LRRC37A2: variants seen among roughly 807,000 people sequenced by gnomAD.
LRRC37A2 encodes the protein leucine-rich repeat-containing protein 37A2.
In LRRC37A2, 9 loss-of-function variants were observed where a neutral mutation model predicts 68.8. The observed-to-expected ratio is 0.13, with a 90% CI of 0.08 to 0.23. The LOEUF is 0.23. Among genes scored for constraint, LRRC37A2 ranks in the 10% least tolerant of loss-of-function variants. LRRC37A2 has a pLI of 1.00. For synonymous variants in LRRC37A2, 63 were observed against 367.6 expected, an observed-to-expected ratio of 0.17 and a Z score of 9.48; for missense variants, 168 against 950.4, an observed-to-expected ratio of 0.18 and a Z score of 10.82.
chr17:46,776,898 C>T, the LRRC37A2 span, among the ~76,000 whole-genome samples: 2 of 152,164 alleles, frequency 1.3e-5, 1 homozygote, highest in South Asian at 4.1e-4. Flanking sequence ...CCGTTGCCTT[C>T]CTGCCTCCTC....
At chr17:46,542,547 C>T (rs2055560408) in intron 8 of LRRC37A2, among the ~76,000 whole-genome samples, 1 of 147,846 alleles carries the variant, frequency 6.8e-6, no homozygotes, top group Non-Finnish European at 1.5e-5. Flanking sequence ...ATATATAAAT[C>T]AGCCAGGTGT....
the LRRC37A2 span, among the ~76,000 whole-genome samples, chr17:46,773,291 A>G: frequency 3.3e-5 from 5 of 152,124 alleles, no homozygotes; most frequent in African/African-American, 1.2e-4. Flanking sequence ...AGGACTTTCT[A>G]GATGGGAGGG....
the LRRC37A2 span, among the ~76,000 whole-genome samples, chr17:46,909,174 T>A: frequency 5.9e-5 from 9 of 152,284 alleles, no homozygotes; most frequent in Admixed American, 5.2e-4. Flanking sequence ...ACCACAGGTA[T>A]GCACCACCAC....
At chr17:46,957,283 C>T in the LRRC37A2 span, among the ~76,000 whole-genome samples, 2 of 151,922 alleles carry the variant, frequency 1.3e-5, no homozygotes, top group Non-Finnish European at 2.9e-5. Context: ...CCAGCCTGGG[C>T]AACAGAGTGA....
At chr17:46,551,436 C>T (rs1181316301) in intron 11 of LRRC37A2, among the ~76,000 whole-genome samples, 2 of 149,352 alleles carry the variant, frequency 1.3e-5, no homozygotes, top group Non-Finnish European at 2.9e-5. Context: ...TCCATTCCAG[C>T]CACAGCAGCC....
chr17:46,844,027 C>T, the LRRC37A2 span, among the ~76,000 whole-genome samples: 2 of 152,224 alleles, frequency 1.3e-5, no homozygotes, highest in African/African-American at 4.8e-5. Context: ...CATCATGGCT[C>T]ATTGCAGTTG....
the LRRC37A2 span, among the ~76,000 whole-genome samples, chr17:46,921,513 A>T: frequency 7.9e-5 from 12 of 152,246 alleles, no homozygotes; most frequent in Non-Finnish European, 1.2e-4. Context: ...GCTTCTGCAC[A>T]GCAAAAGAAA....
the LRRC37A2 span, among the ~76,000 whole-genome samples, chr17:46,720,672 C>T: frequency 6.6e-6 from 1 of 152,130 alleles, no homozygotes; most frequent in African/African-American, 2.4e-5. Context: ...TTTAACTAAT[C>T]GCTGACAGAT....
At chr17:46,493,005 T>G in the LRRC37A2 span, among the ~76,000 whole-genome samples, 4 of 148,774 alleles carry the variant, frequency 2.7e-5, no homozygotes, top group African/African-American at 5.1e-5. Context: ...CAAGTTTTTT[T>G]TTTTTTTTTT....
chr17:46,882,276 C>A, the LRRC37A2 span, among the ~76,000 whole-genome samples: 1 of 152,190 alleles, frequency 6.6e-6, no homozygotes, highest in South Asian at 2.1e-4. Context: ...GAACAGTCCC[C>A]CTCTTTCTTT....
At chr17:46,737,572 C>CGTGTGTGTGT in the LRRC37A2 span, among the ~76,000 whole-genome samples, 1 of 147,172 alleles carries the variant, frequency 6.8e-6, no homozygotes, top group African/African-American at 2.6e-5. Context: ...GGTGTGTGTG[C>CGTGTGTGTGT]GTGTGTGTGT....
the LRRC37A2 span, among the ~76,000 whole-genome samples, chr17:46,862,366 G>C: frequency 0.099 from 15,003 of 152,124 alleles, 2,465 homozygotes; most frequent in African/African-American, 0.34. Context: ...TAATTTTGCA[G>C]GTAGACATCT....
chr17:46,836,196 T>C, the LRRC37A2 span, among the ~76,000 whole-genome samples: 1 of 151,122 alleles, frequency 6.6e-6, no homozygotes, highest in African/African-American at 2.4e-5. Context: ...AAAATTCGCC[T>C]GATATTGAAC....
the LRRC37A2 span, among the ~76,000 whole-genome samples, chr17:46,994,667 C>T: frequency 6.6e-6 from 1 of 152,038 alleles, no homozygotes; most frequent in East Asian, 1.9e-4. Flanking sequence ...AAAGGCAGTC[C>T]GTGGCCTTGA....
the LRRC37A2 span, among the ~76,000 whole-genome samples, chr17:46,492,672 T>TTC: frequency 6.7e-6 from 1 of 149,440 alleles, no homozygotes. Flanking sequence ...CACTTGATAT[T>TTC]TTCAGGGTTT....
chr17:46,711,582 C>G, the LRRC37A2 span, among the ~76,000 whole-genome samples: 2 of 152,080 alleles, frequency 1.3e-5, no homozygotes, highest in Non-Finnish European at 2.9e-5. Flanking sequence ...TAGGGGTGGT[C>G]AGGGAAAACT....
the LRRC37A2 span, among the ~76,000 whole-genome samples, chr17:46,390,320 G>T: frequency 1.8e-3 from 156 of 86,602 alleles, 3 homozygotes; most frequent in East Asian, 0.026. Flanking sequence ...GTTGGGGGCA[G>T]TGGGGAGTGC....
the LRRC37A2 span, chr17:46,939,932 G>A: frequency 3.0e-6 from 3 of 1,001,144 alleles, no homozygotes; most frequent in East Asian, 1.0e-4. Flanking sequence ...TTTACCACAG[G>A]CCTACCAGCC....
chr17:46,724,283 C>CTGCA, the LRRC37A2 span, among the ~76,000 whole-genome samples: 1 of 152,174 alleles, frequency 6.6e-6, no homozygotes, highest in African/African-American at 2.4e-5. Context: ...GAAAGGACAA[C>CTGCA]CCGAAAATCT....
Sources: gnomAD v4.1 joint callset for allele counts (sites outside exome capture counted in the v4.1 genomes callset) on GRCh38, gnomAD v4.1.1 for gene constraint, MANE v1.5 for transcripts, NCBI Gene and HGNC (gene_info 2026-07-23, HGNC 2026-07-21) for gene names.